Variants in GRIK3 observed in about 807,000 individuals in gnomAD.
The protein encoded by GRIK3 is glutamate ionotropic receptor kainate type subunit 3.
GRIK3 carries 29 observed loss-of-function variants against 102.5 expected under a neutral mutation model. The observed-to-expected ratio is 0.28, with a 90% confidence interval of 0.21 to 0.39. The LOEUF is 0.39. Among genes scored for constraint, GRIK3 ranks in the 10% least tolerant of loss-of-function variants. GRIK3 has a pLI of 1.00. For missense variants in GRIK3, 908 were observed against 1,252.4 expected, an observed-to-expected ratio of 0.73 and a Z score of 4.15; for synonymous variants, 511 against 504.9, an observed-to-expected ratio of 1.01 and a Z score of -0.16.
intron 1 of GRIK3, among the ~76,000 whole-genome samples, chr1:36,941,011 C>T (rs16823680): frequency 0.011 from 1,662 of 152,336 alleles, 33 homozygotes; most frequent in African/African-American, 0.038. Context: ...GTATTGGGTT[C>T]CTGGCCTATT....
At chr1:37,024,373 C>T (rs957299395) in intron 1 of GRIK3, among the ~76,000 whole-genome samples, 7 of 152,008 alleles carry the variant, frequency 4.6e-5, no homozygotes, top group African/African-American at 1.5e-4. Flanking sequence ...GTGCTTACCA[C>T]GGCTGTGTTC....
chr1:36,831,467 C>A (rs1448397846), intron 10 of GRIK3, among the ~76,000 whole-genome samples: 1 of 152,226 alleles, frequency 6.6e-6, no homozygotes, highest in African/African-American at 2.4e-5. Context: ...TATGTGGCAT[C>A]ACAGAATTCA....
chr1:36,896,367 G>A (rs1297038650), intron 1 of GRIK3, among the ~76,000 whole-genome samples: 1 of 152,074 alleles, frequency 6.6e-6, no homozygotes. Flanking sequence ...ATAAGGATGG[G>A]AGGGAGGAAT....
rs1022153104 is a variant in GRIK3 at position 36,805,184 on chromosome 1, C to G, written c.2368G>C (p.Asp790His). 1 of 1,614,122 alleles carries G rather than the reference C, an allele frequency of 6.2e-7. No individual in the cohort carries two copies. Residue 790 changes from aspartate (D) to histidine (H), a missense_variant, in exon 15 of 16, where the codon GAC (aspartate) becomes CAC (histidine). Asp to His is a moderately conservative substitution (Grantham distance 81). Transcript: ENST00000373091. ...TTCTCCTTCATGATATGCAGCTTGT[C>G]CTCCTCCTGAAGCTGCAGGATGGCG... ...TIAILQLQEE[D>H]KLHIMKEKWW...
At chr1:36,905,909 G>C (rs1006062491) in intron 1 of GRIK3, among the ~76,000 whole-genome samples, 1 of 152,130 alleles carries the variant, frequency 6.6e-6, no homozygotes, top group Admixed American at 6.6e-5. Flanking sequence ...ATCTCCATAG[G>C]GCTTCACATC....
chr1:36,873,394 T>C (rs775758820), intron 3 of GRIK3, among the ~76,000 whole-genome samples: 60 of 152,338 alleles, frequency 3.9e-4, no homozygotes, highest in Middle Eastern at 3.4e-3. Flanking sequence ...TTAGGTCTAA[T>C]TAAGTTCGTT....
intron 13 of GRIK3, among the ~76,000 whole-genome samples, chr1:36,815,335 G>T (rs939614551): frequency 1.3e-5 from 2 of 152,184 alleles, no homozygotes; most frequent in South Asian, 2.1e-4. Flanking sequence ...GGGAGAAAGT[G>T]CCAGGGGGCT....
At position 36,994,538 on chromosome 1, in the gene GRIK3, A is replaced by G. The variant is rs78978214; in HGVS notation, c.115+39456T>C. On this transcript the variant is annotated intron_variant, in intron 1 of 15. Transcript: ENST00000373091. The stretch of plus-strand genomic sequence containing the variant: ...AAGCAAGTTCATCTGTGGAACACTG[A>G]TAGAGCAGTATCTTACACACAGTGA... 4.2e-3 allele frequency among the ~76,000 whole-genome samples: 642 copies of G among 152,330 alleles called. 7 individuals carry two copies. Among genetic ancestry groups the G allele is most frequent in the Non-Finnish European group, 6.2e-3 (423 of 68,028 alleles).
At chr1:37,013,102 G>A (rs55945131) in intron 1 of GRIK3, among the ~76,000 whole-genome samples, 32,270 of 152,154 alleles carry the variant, frequency 0.21, 3,709 homozygotes, top group Non-Finnish European at 0.26. Context: ...TAAAAGGCAC[G>A]TCTTACATGG....
chr1:36,963,428 G>A (rs1557443652), intron 1 of GRIK3, among the ~76,000 whole-genome samples: 1 of 152,184 alleles, frequency 6.6e-6, no homozygotes, highest in Non-Finnish European at 1.5e-5. Context: ...AGGCTTGGGA[G>A]TTGCATTAAT....
intron 1 of GRIK3, among the ~76,000 whole-genome samples, chr1:36,909,628 T>C (rs1641324302): frequency 6.6e-6 from 1 of 152,002 alleles, no homozygotes; most frequent in Non-Finnish European, 1.5e-5. Context: ...GGCATGCCCC[T>C]GCCCAAACCC....
chr1:36,963,492 C>G (rs1015015703), intron 1 of GRIK3, among the ~76,000 whole-genome samples: 1 of 152,178 alleles, frequency 6.6e-6, no homozygotes, highest in African/African-American at 2.4e-5. Context: ...TGAGCTCCTT[C>G]CATGCATTAT....
intron 1 of GRIK3, among the ~76,000 whole-genome samples, chr1:37,013,019 A>G (rs1642614169): frequency 6.6e-6 from 1 of 152,190 alleles, no homozygotes; most frequent in South Asian, 2.1e-4. Flanking sequence ...AGACTGGGTA[A>G]TTTATAAAGA....
chr1:37,016,712 G>A (rs1642655886), intron 1 of GRIK3, among the ~76,000 whole-genome samples: 1 of 152,184 alleles, frequency 6.6e-6, no homozygotes, highest in Non-Finnish European at 1.5e-5. Context: ...GGGGACTGAG[G>A]CATATGTGAA....
At chr1:36,992,335 G>C (rs1642371645) in intron 1 of GRIK3, among the ~76,000 whole-genome samples, 3 of 152,258 alleles carry the variant, frequency 2.0e-5, no homozygotes, top group Admixed American at 2.0e-4. Context: ...GGTGTGGGTG[G>C]GATGGTGGGG....
intron 1 of GRIK3, among the ~76,000 whole-genome samples, chr1:36,955,280 G>A (rs1341453454): frequency 6.6e-6 from 1 of 152,214 alleles, no homozygotes; most frequent in Non-Finnish European, 1.5e-5. Context: ...GGACAGGAAG[G>A]GGCAGGTGTG....
chr1:37,008,052 T>C (rs947294551), intron 1 of GRIK3, among the ~76,000 whole-genome samples: 7 of 152,198 alleles, frequency 4.6e-5, no homozygotes, highest in African/African-American at 1.4e-4. Flanking sequence ...AGAAACACCT[T>C]GTGTCTCACC....
intron 1 of GRIK3, among the ~76,000 whole-genome samples, chr1:36,989,104 C>T (rs1040911470): frequency 6.6e-6 from 1 of 152,156 alleles, no homozygotes; most frequent in African/African-American, 2.4e-5. Context: ...TCACGCCCCA[C>T]TCCCCTCCCC....
intron 3 of GRIK3, among the ~76,000 whole-genome samples, chr1:36,873,076 C>CTCCTCCAACTCAGTG (rs1640861025): frequency 2.0e-5 from 3 of 152,328 alleles, no homozygotes; most frequent in Admixed American, 2.0e-4. Context: ...AGATCACCCT[C>CTCCTCCAACTCAGTG]TCCTCCAACT....
Sources: gnomAD v4.1 joint callset for allele counts (sites outside exome capture counted in the v4.1 genomes callset) on GRCh38, gnomAD v4.1.1 for gene constraint, MANE v1.5 for transcripts, NCBI Gene and HGNC (gene_info 2026-07-23, HGNC 2026-07-21) for gene names.